The following TADA2A variants were observed in gnomAD, a reference collection of about 807,000 sequenced individuals.
The protein encoded by TADA2A is transcriptional adapter 2-alpha.
A neutral mutation model predicts 67.4 loss-of-function variants in TADA2A; 38 were observed. The observed-to-expected ratio is 0.56, with a 90% CI of 0.44 to 0.74. The LOEUF (loss-of-function observed/expected upper bound fraction) is 0.74, where lower values mean the gene tolerates loss of function less well. TADA2A is among the 30% of genes least tolerant of loss of function. The pLI is 0.00. For synonymous variants in TADA2A, 192 were observed against 181.6 expected (o/e 1.06, Z -0.46); for missense variants, 454 against 547.0 (o/e 0.83, Z 1.70).
In TADA2A at chr17:37,479,001, A is replaced by G. The variant is rs1395423067; in HGVS notation, c.*2019A>G. 1 of 152,224 alleles carries G rather than the reference A, an allele frequency of 6.6e-6. No homozygotes were observed. The highest frequency in any genetic ancestry group is 1.5e-5 in the Non-Finnish European group (1 of 68,040). The allele number at this position is 152,224 out of a possible 1,614,324, so 9.4% of individuals were successfully genotyped here. A position where few individuals can be genotyped will look rare whatever the true frequency, so the allele number is the denominator to read the frequency against. On this transcript the variant is annotated 3_prime_UTR_variant, in exon 16 of 16. Coordinates refer to ENST00000615182, the MANE Select transcript of TADA2A (RefSeq NM_001166105.3). ...GTTGGTTGTGAAGTGATTGCCTCTT[A>G]TCCCTGAAAGGAAACTCCTGTTCTG...
intron 5 of TADA2A, among the ~76,000 whole-genome samples, chr17:37,438,368 G>A (rs879570469): frequency 1.8e-4 from 27 of 152,074 alleles, no homozygotes; most frequent in Non-Finnish European, 1.2e-4. Flanking sequence ...TACCACTTTC[G>A]TTTTTATCTT....
intron 2 of TADA2A, among the ~76,000 whole-genome samples, chr17:37,423,002 G>A (rs533865499): frequency 3.3e-5 from 5 of 152,176 alleles, no homozygotes; most frequent in Non-Finnish European, 5.9e-5. Flanking sequence ...GCTTTGAGAG[G>A]CCAAGGCAGG....
Position 37,411,399 on chromosome 17 carries a change from A to G in TADA2A, c.25+9A>G. 1.9e-6 allele frequency: 3 copies of G among 1,612,286 alleles called. No individual in the cohort carries two copies. Among genetic ancestry groups the G allele is most frequent in the Middle Eastern group, 1.7e-4 (1 of 6,060 alleles). On this transcript the variant is annotated intron_variant, in intron 2 of 15. Coordinates refer to ENST00000615182, the MANE Select transcript of TADA2A (RefSeq NM_001166105.3). ...TTTGGGTTCCTTTAGCAGTAAGTACAGTGGGAACAAGTCTCAGGTGACTTA... is the reference window on the plus strand; with the variant it reads ...TTTGGGTTCCTTTAGCAGTAAGTACGGTGGGAACAAGTCTCAGGTGACTTA...
intron 1 of TADA2A, among the ~76,000 whole-genome samples, chr17:37,409,564 C>A (rs868121572): frequency 6.6e-6 from 1 of 151,544 alleles, no homozygotes; most frequent in Admixed American, 6.6e-5. Context: ...GTCAGGAGTT[C>A]GAGACCAGCC....
intron 2 of TADA2A, among the ~76,000 whole-genome samples, chr17:37,422,484 T>TATTATTATTATTATC (rs1472193541): frequency 2.3e-5 from 2 of 85,654 alleles, no homozygotes; most frequent in African/African-American, 4.9e-5. Context: ...CCCAGCTGAT[T>TATTATTATTATTATC]ATTATTATTA....
intron 8 of TADA2A, chr17:37,454,721 A>G (rs563464859): frequency 5.1e-4 from 176 of 347,486 alleles, no homozygotes; most frequent in Non-Finnish European, 6.7e-4. Flanking sequence ...CCAGAAGGCC[A>G]TTACTGGTGC....
At chr17:37,447,835 G>T (rs897832339) in intron 8 of TADA2A, among the ~76,000 whole-genome samples, 22 of 152,280 alleles carry the variant, frequency 1.4e-4, no homozygotes, top group African/African-American at 5.3e-4. Context: ...AGGAAGGAAT[G>T]AAAAGGGGCT....
intron 3 of TADA2A, among the ~76,000 whole-genome samples, chr17:37,425,981 G>A (rs1209468704): frequency 6.6e-6 from 1 of 151,088 alleles, no homozygotes; most frequent in Non-Finnish European, 1.5e-5. Context: ...AAAAAATAAA[G>A]AATTTTTTTT....
intron 4 of TADA2A, among the ~76,000 whole-genome samples, chr17:37,430,449 G>A (rs1211487156): frequency 6.6e-6 from 1 of 152,188 alleles, no homozygotes; most frequent in African/African-American, 2.4e-5. Context: ...TCACAGAGCT[G>A]TATTTTTGGG....
chr17:37,434,907 G>A (rs370239922), intron 4 of TADA2A, among the ~76,000 whole-genome samples: 96 of 152,258 alleles, frequency 6.3e-4, no homozygotes, highest in East Asian at 1.2e-3. Context: ...GGAGTCTCTG[G>A]AAGTTGACTT....
chr17:37,436,484 G>A (rs3764431), intron 4 of TADA2A: 36,121 of 151,520 alleles, frequency 0.24, 4,406 homozygotes, highest in Middle Eastern at 0.36. Flanking sequence ...TCAGCCTCCC[G>A]AGTAGCTGGG....
In TADA2A at chr17:37,437,896, TA is replaced by T. The variant is rs549648985; in HGVS notation, c.284+70del. ...CAGAGAAGAAGCTGTTGTTGAAGAG[TA>T]AAGGAAGGAACCTCAGGAAGAGAAA... On this transcript the variant is annotated intron_variant, in intron 5 of 15. Coordinates refer to ENST00000615182, the MANE Select transcript of TADA2A (RefSeq NM_001166105.3). The T allele has an allele frequency of 1.6e-3, 2,253 of 1,450,758 alleles. 19 individuals carry two copies. Among genetic ancestry groups the T allele is most frequent in the Non-Finnish European group, 1.3e-3 (1,332 of 1,036,240 alleles). 89.9% of individuals were successfully genotyped at this position (1,450,758 alleles called of 1,614,324 possible).
At chr17:37,413,088 G>A (rs1415637063) in intron 2 of TADA2A, among the ~76,000 whole-genome samples, 3 of 151,874 alleles carry the variant, frequency 2.0e-5, no homozygotes, top group African/African-American at 4.8e-5. Flanking sequence ...CACCACGCCC[G>A]GCTAATTTTT....
At position 37,427,153 on chromosome 17, in the gene TADA2A, C is replaced by G. The variant is rs964403705; in HGVS notation, c.192+144C>G. On this transcript the variant is annotated intron_variant, in intron 4 of 15. Transcript: ENST00000615182. ...ATCTCTGAGTATCTTTACCTTTTCT[C>G]CCCTTCGGAAATAGGTAATTGTTAT... 6 of 597,390 alleles carry G rather than the reference C, an allele frequency of 1.0e-5. No homozygotes were observed. The African/African-American group carries it at 1.2e-4, about 12-fold the overall frequency. The allele number at this position is 597,390 out of a possible 1,614,324, so 37.0% of individuals were successfully genotyped here. A position where few individuals can be genotyped will look rare whatever the true frequency, so the allele number is the denominator to read the frequency against.
intron 5 of TADA2A, 89 bp downstream of exon 5, chr17:37,437,918 AG>A: frequency 8.1e-7 from 1 of 1,236,030 alleles, no homozygotes; most frequent in East Asian, 2.3e-5. Context: ...CCTCAGGAAG[AG>A]AAAGTATGTG....
chr17:37,458,638 TGTGTGTGTGTG>T (rs2053463519), intron 9 of TADA2A, 51 bp downstream of exon 9: 1 of 196,430 alleles, frequency 5.1e-6, no homozygotes, highest in African/African-American at 9.3e-5. Context: ...ATTATTGTTT[TGTGTGTGTGTG>T]TGTGTGTGTG....
At chr17:37,458,871 T>A (rs1302936351) in intron 9 of TADA2A, among the ~76,000 whole-genome samples, 1 of 151,968 alleles carries the variant, frequency 6.6e-6, no homozygotes, top group Non-Finnish European at 1.5e-5. Context: ...AGATACGGGG[T>A]TTTGCTGTGT....
chr17:37,465,642 T>G, intron 11 of TADA2A, 101 bp downstream of exon 11: 12 of 1,537,396 alleles, frequency 7.8e-6, no homozygotes, highest in Non-Finnish European at 1.1e-5. Flanking sequence ...AATAAATAAA[T>G]GGATATTTCT....
chr17:37,457,077 T>G (rs951022808), intron 8 of TADA2A, among the ~76,000 whole-genome samples: 4 of 152,040 alleles, frequency 2.6e-5, no homozygotes, highest in African/African-American at 7.2e-5. Context: ...AACTGAAAAC[T>G]CCTACTCTGG....
Sources: allele counts gnomAD v4.1 joint callset (sites outside exome capture counted in the v4.1 genomes callset), GRCh38; gene constraint gnomAD v4.1.1; transcripts MANE v1.5; gene names NCBI Gene and HGNC (gene_info 2026-07-23, HGNC 2026-07-21).